GJA8: variants seen among roughly 807,000 people sequenced by gnomAD.
GJA8 encodes gap junction protein alpha 8.
In GJA8, 13 loss-of-function variants were observed where a neutral mutation model predicts 15.3. The observed-to-expected ratio is 0.85, with a 90% CI of 0.55 to 1.35. The LOEUF is 1.35. Ranked by LOEUF, GJA8 falls within the 40% of genes most tolerant of loss-of-function variation. The probability of loss-of-function intolerance (pLI) is 0.00; values close to 1 mark genes in which losing one functional copy is unlikely to be tolerated. For synonymous variants in GJA8, 304 were observed against 238.7 expected (o/e 1.27, Z -2.52); for missense variants, 607 against 553.3 (o/e 1.10, Z -0.97).
rs1553242599 is a variant in GJA8 at position 147,908,237 on chromosome 1, G to A, written c.282G>A (p.Gly94=). 3 of 1,614,106 alleles carry A rather than the reference G, an allele frequency of 1.9e-6. No homozygotes were observed. Among genetic ancestry groups the A allele is most frequent in the African/African-American group, 2.7e-5 (2 of 74,930 alleles). Reference sequence around the variant, plus strand: ...CCACCCCGTCCCTGATGTACGTGGGGCACGCGGTGCACTACGTCCGCATGG... The same window carrying A: ...CCACCCCGTCCCTGATGTACGTGGGACACGCGGTGCACTACGTCCGCATGG... The part of the protein sequence containing the change: ...FVSTPSLMYV[G]HAVHYVRMEE... The change falls in exon 2 of 2, where the codon GGG becomes GGA. Residue 94 remains glycine (G), a synonymous_variant. Coordinates refer to ENST00000369235, the MANE Select transcript of GJA8 (RefSeq NM_005267.5).
At chr1:147,914,416 C>T in the GJA8 span, among the ~76,000 whole-genome samples, 1 of 152,210 alleles carries the variant, frequency 6.6e-6, no homozygotes, top group Non-Finnish European at 1.5e-5. Flanking sequence ...CAACCTTCCA[C>T]ATCCTTGTGC....
Position 147,908,973 on chromosome 1 carries a change from G to T in GJA8, c.1018G>T (p.Glu340Ter). ...GGAGGGCGAGGGGCCGCCTGCAGAG[G>T]AGGGAGCCGAACCCGAGGTGGGAGA... is the stretch of plus-strand genomic sequence containing the variant. ...EVEGEGPPAE[E>*]GAEPEVGEKK... Residue 340 changes from glutamate (E) to a stop codon, truncating the protein, a stop_gained, in exon 2 of 2, where the codon GAG (glutamate) becomes TAG (stop). Coordinates refer to ENST00000369235, the MANE Select transcript of GJA8 (RefSeq NM_005267.5). LOFTEE classifies it low-confidence loss of function (END_TRUNC). 3 of 1,600,402 alleles carry T rather than the reference G, an allele frequency of 1.9e-6. No individual in the cohort carries two copies. The highest frequency in any genetic ancestry group is 2.2e-5 in the South Asian group (2 of 89,692).
In GJA8 at chr1:147,908,897, G is replaced by C; in HGVS notation, c.942G>C (p.Arg314=). Residue 314 remains arginine (R), a synonymous_variant, in exon 2 of 2, where the codon CGG becomes CGC. Transcript: ENST00000369235. ...CAGGACCCCTGGGGGACTTGTCCCG[G>C]GGCTACCAAGAGACACTGCCTTCCT... ...ISTGPLGDLS[R]GYQETLPSYA... is the part of the protein sequence containing the mutation. The C allele has an allele frequency of 6.2e-7, 1 of 1,613,876 alleles. No individual in the cohort carries two copies. The highest frequency in any genetic ancestry group is 8.5e-7 in the Non-Finnish European group (1 of 1,179,796).
chr1:147,903,623 TCATTTCACCTCCC>T (rs1651687675), intron 1 of GJA8, among the ~76,000 whole-genome samples: 1 of 152,194 alleles, frequency 6.6e-6, no homozygotes, highest in Admixed American at 6.5e-5. Context: ...TCTTGGAGAC[TCATTTCACCTCCC>T]AGCCTGTCTT....
At chr1:147,903,837 C>T (rs2149013133) in intron 1 of GJA8, among the ~76,000 whole-genome samples, 1 of 152,032 alleles carries the variant, frequency 6.6e-6, no homozygotes, top group African/African-American at 2.4e-5. Context: ...GTCTTTTATT[C>T]TGAAGTTATG....
At chr1:147,903,997 T>C (rs1651700959) in intron 1 of GJA8, among the ~76,000 whole-genome samples, 1 of 150,448 alleles carries the variant, frequency 6.6e-6, no homozygotes, top group South Asian at 2.1e-4. Context: ...AGTGGTGTGA[T>C]CTCAGCTCAC....
chr1:147,910,961 G>A (rs1351779166), downstream of GJA8, among the ~76,000 whole-genome samples: 1 of 152,084 alleles, frequency 6.6e-6, no homozygotes, highest in Non-Finnish European at 1.5e-5. Flanking sequence ...TCTGTTCAGG[G>A]GAAATCCTCA....
chr1:147,905,534 A>G (rs1297527159), intron 1 of GJA8, among the ~76,000 whole-genome samples: 1 of 152,262 alleles, frequency 6.6e-6, no homozygotes, highest in Non-Finnish European at 1.5e-5. Context: ...GCTAAATCTT[A>G]TAGAAGTACA....
chr1:147,912,895 T>TAAAA (rs782718322), downstream of GJA8, among the ~76,000 whole-genome samples: 2 of 118,968 alleles, frequency 1.7e-5, no homozygotes, highest in Non-Finnish European at 1.8e-5. Flanking sequence ...GGGCATTATT[T>TAAAA]AAAAAAAAAA....
chr1:147,909,502 C>G (rs1458744974), downstream of GJA8, among the ~76,000 whole-genome samples: 1 of 152,144 alleles, frequency 6.6e-6, no homozygotes, highest in Admixed American at 6.5e-5. Flanking sequence ...AGGACTACCC[C>G]GCTCCTCCAA....
downstream of GJA8, chr1:147,909,351 G>A (rs1314978466): frequency 5.2e-6 from 5 of 969,308 alleles, no homozygotes; most frequent in African/African-American, 4.9e-5. Flanking sequence ...TCTGTCTCCT[G>A]TCCTCCCACC....
rs201445539 is a variant in GJA8 at position 147,908,508 on chromosome 1, C to T, written c.553C>T (p.Arg185Trp). 5.0e-6 allele frequency: 8 copies of T among 1,614,052 alleles called. No homozygotes were observed. The highest frequency in any genetic ancestry group is 1.7e-5 in the Admixed American group (1 of 60,002). ...GATCCTGCCTCTGTACCGCTGCAGC[C>T]GGTGGCCCTGCCCCAATGTGGTGGA... ...FRILPLYRCSRWPCPNVVDCF... is the reference protein window; with the variant it reads ...FRILPLYRCSWWPCPNVVDCF... The change falls in exon 2 of 2, where the codon CGG becomes TGG. Residue 185 changes from arginine to tryptophan, a missense_variant. Coordinates refer to ENST00000369235, the MANE Select transcript of GJA8 (RefSeq NM_005267.5).
downstream of GJA8, among the ~76,000 whole-genome samples, chr1:147,913,658 G>C (rs587741641): frequency 6.6e-5 from 10 of 152,138 alleles, no homozygotes; most frequent in Non-Finnish European, 1.3e-4. Context: ...CCCGAGAAGG[G>C]TCATTAGGCG....
downstream of GJA8, among the ~76,000 whole-genome samples, chr1:147,911,326 A>G (rs1365758107): frequency 6.6e-6 from 1 of 152,156 alleles, no homozygotes; most frequent in Non-Finnish European, 1.5e-5. Context: ...TTCCAAAACT[A>G]TTCCTCCCCC....
At chr1:147,910,146 C>T (rs1553243295), downstream of GJA8, among the ~76,000 whole-genome samples, 1 of 152,182 alleles carries the variant, frequency 6.6e-6, no homozygotes, top group Non-Finnish European at 1.5e-5. Flanking sequence ...AGGTGTATGC[C>T]ACCGTGCCTG....
chr1:147,913,563 A>G (rs782704112), downstream of GJA8, among the ~76,000 whole-genome samples: 51 of 152,184 alleles, frequency 3.4e-4, no homozygotes, highest in Middle Eastern at 3.2e-3. Flanking sequence ...TGGATACGGA[A>G]AGAGCTGCAT....
Position 147,908,812 on chromosome 1 carries a change from T to C in GJA8, c.857T>C (p.Met286Thr). The C allele has an allele frequency of 6.8e-6, 11 of 1,614,176 alleles. No homozygotes were observed. The highest frequency in any genetic ancestry group is 9.3e-6 in the Non-Finnish European group (11 of 1,180,028). The change falls in exon 2 of 2, where the codon ATG becomes ACG. Residue 286 changes from methionine to threonine, a missense_variant. By Grantham distance (81) the Met-to-Thr change is moderately conservative (BLOSUM62 -1). Coordinates refer to ENST00000369235, the MANE Select transcript of GJA8 (RefSeq NM_005267.5). ...TATTTCCCCTTGACCGAGGTTGGGA[T>C]GGTGGAGACCAGCCCACTGCCTGCC... Reference protein sequence around the residue: ...SHYFPLTEVGMVETSPLPAKP... With the variant: ...SHYFPLTEVGTVETSPLPAKP...
intron 1 of GJA8, among the ~76,000 whole-genome samples, chr1:147,904,106 T>C (rs1483670420): frequency 2.6e-5 from 4 of 152,080 alleles, no homozygotes; most frequent in African/African-American, 9.7e-5. Flanking sequence ...CTAATTTTTG[T>C]ATTTTTAGTA....
Position 147,908,842 on chromosome 1 carries a change from C to G in GJA8, c.887C>G (p.Pro296Arg). The G allele has an allele frequency of 6.2e-7, 1 of 1,614,198 alleles. No homozygotes were observed. Among genetic ancestry groups the G allele is most frequent in the African/African-American group, 1.3e-5 (1 of 75,048 alleles). ...MVETSPLPAK[P>R]FNQFEEKIST... The stretch of plus-strand genomic sequence containing the variant: ...GAGACCAGCCCACTGCCTGCCAAGC[C>G]TTTCAATCAGTTCGAGGAGAAGATC... Residue 296 changes from proline to arginine, a missense_variant, in exon 2 of 2, where the codon CCT becomes CGT. By Grantham distance (103) the Pro-to-Arg change is moderately radical. Transcript: ENST00000369235.
Sources: allele counts gnomAD v4.1 joint callset (sites outside exome capture counted in the v4.1 genomes callset), GRCh38; gene constraint gnomAD v4.1.1; transcripts MANE v1.5; gene names NCBI Gene and HGNC (gene_info 2026-07-23, HGNC 2026-07-21).